Variants in RIMBP2 observed in about 807,000 individuals in gnomAD.
The protein encoded by RIMBP2 is RIMS-binding protein 2.
A neutral mutation model predicts 118.6 loss-of-function variants in RIMBP2; 48 were observed. The ratio of observed to expected loss-of-function variants is 0.40; its 90% CI spans 0.32 to 0.51. RIMBP2 has a LOEUF of 0.51. Among genes scored for constraint, RIMBP2 ranks in the 20% least tolerant of loss-of-function variants. The pLI is 0.41. For missense variants in RIMBP2, 1,551 were observed against 1,768.3 expected (o/e 0.88, Z 2.20); for synonymous variants, 762 against 742.9 (o/e 1.03, Z -0.42).
At chr12:130,685,636 G>A (rs1297987530) in intron 1 of RIMBP2, among the ~76,000 whole-genome samples, 1 of 152,126 alleles carries the variant, frequency 6.6e-6, no homozygotes, top group Non-Finnish European at 1.5e-5. Flanking sequence ...TGGCAATGCT[G>A]GAGTCACTGG....
chr12:130,522,277 A>G (rs2052214176), intron 2 of RIMBP2, among the ~76,000 whole-genome samples: 1 of 152,254 alleles, frequency 6.6e-6, no homozygotes, highest in Non-Finnish European at 1.5e-5. Context: ...AAAAGGGCCA[A>G]GGCAAGCCTT....
chr12:130,436,323 G>A (rs368055894), intron 13 of RIMBP2, among the ~76,000 whole-genome samples: 15 of 152,152 alleles, frequency 9.9e-5, no homozygotes, highest in African/African-American at 2.9e-4. Context: ...GTCCGTATGC[G>A]TTTCTACACA....
chr12:130,499,989 G>A (rs776832181), intron 4 of RIMBP2, among the ~76,000 whole-genome samples: 28 of 152,182 alleles, frequency 1.8e-4, no homozygotes, highest in Non-Finnish European at 2.5e-4. Flanking sequence ...GTGCAAGTTT[G>A]TTATATAGGT....
At chr12:130,546,057 C>G (rs1021446732) in intron 2 of RIMBP2, among the ~76,000 whole-genome samples, 2 of 150,588 alleles carry the variant, frequency 1.3e-5, no homozygotes, top group Admixed American at 6.6e-5. Context: ...GTCCTGTCCC[C>G]CTTTGGGATC....
intron 3 of RIMBP2, among the ~76,000 whole-genome samples, chr12:130,512,564 C>G (rs1219969861): frequency 6.6e-6 from 1 of 152,218 alleles, no homozygotes; most frequent in Admixed American, 6.5e-5. Flanking sequence ...CTCAGGTGAT[C>G]CACCCGCCTT....
intron 19 of RIMBP2, among the ~76,000 whole-genome samples, chr12:130,409,202 C>T (rs746450484): frequency 3.6e-4 from 55 of 152,118 alleles, no homozygotes; most frequent in Non-Finnish European, 6.8e-4. Context: ...AGAAACCCCA[C>T]AACAATCAAG....
chr12:130,619,809 G>T (rs1566381208), intron 2 of RIMBP2, among the ~76,000 whole-genome samples: 1 of 152,190 alleles, frequency 6.6e-6, no homozygotes, highest in Non-Finnish European at 1.5e-5. Flanking sequence ...TCTATCAGCG[G>T]CAAATGCTTC....
rs1950319629 is a variant in RIMBP2, at chr12:130,716,266, G to A, written c.-396C>T. 6.7e-6 allele frequency: 1 copy of A among 148,974 alleles called. No individual in the cohort carries two copies. The highest frequency in any genetic ancestry group is 1.5e-5 in the Non-Finnish European group (1 of 67,150). The allele number at this position is 148,974 out of a possible 1,614,324, so 9.2% of individuals were successfully genotyped here. A position where few individuals can be genotyped will look rare whatever the true frequency, so the allele number is the denominator to read the frequency against. ...CAAGGCTCCGGAGGTTCACCTCGGAGACAACTGCAGTGTACTGTGTCAGAT... is the reference window on the plus strand; with the variant it reads ...CAAGGCTCCGGAGGTTCACCTCGGAAACAACTGCAGTGTACTGTGTCAGAT... On this transcript the variant is annotated 5_prime_UTR_variant, in exon 1 of 23. Transcript: ENST00000690449.
Position 130,660,276 on chromosome 12 carries a change from A to C in RIMBP2, c.-351-31820T>G, listed in dbSNP as rs2063599413. 2 of 53,782 alleles carry C rather than the reference A, an allele frequency of 3.7e-5. 1 individual carries two copies. Among genetic ancestry groups the C allele is most frequent in the Admixed American group, 3.6e-4 (2 of 5,528 alleles). 3.3% of individuals were successfully genotyped at this position (53,782 alleles called of 1,614,324 possible). ...CAGGTGGCTCCTGTGTCTACGAGAC[A>C]GGCAGAGGGCCAGGCTAGTGCTGCA... On this transcript the variant is annotated intron_variant, in intron 1 of 22. Coordinates refer to ENST00000690449, the MANE Select transcript of RIMBP2 (RefSeq NM_001393629.1).
chr12:130,649,375 C>G (rs1474279318), intron 1 of RIMBP2, among the ~76,000 whole-genome samples: 1 of 152,242 alleles, frequency 6.6e-6, no homozygotes, highest in Non-Finnish European at 1.5e-5. Flanking sequence ...GCCGCCCAAC[C>G]CCTGGGGCCT....
chr12:130,566,175 GCACA>G lies in RIMBP2; in HGVS notation c.-216-48262_-216-48259del, dbSNP rs3047801. Among the ~76,000 whole-genome samples, 54 of 148,186 alleles carry G rather than the reference GCACA, an allele frequency of 3.6e-4. 1 individual carries two copies. The highest frequency in any genetic ancestry group is 3.2e-3 in the East Asian group (16 of 5,024). On this transcript the variant is annotated intron_variant, in intron 2 of 22. Coordinates refer to ENST00000690449, the MANE Select transcript of RIMBP2 (RefSeq NM_001393629.1). ...ATTTGTTGCCAATTTATACACACAT[GCACA>G]CACACACACACACACACACACTCAC...
rs916616921 is a variant in RIMBP2 at position 130,641,360 on chromosome 12, G to A, written c.-351-12904C>T. 1.0e-3 allele frequency among the ~76,000 whole-genome samples: 143 copies of A among 142,746 alleles called. 1 individual carries two copies. The highest frequency in any genetic ancestry group is 3.6e-3 in the African/African-American group (132 of 36,816). 93.6% of individuals were successfully genotyped at this position (142,746 alleles called of 152,430 possible). On this transcript the variant is annotated intron_variant, in intron 1 of 22. Coordinates refer to ENST00000690449, the MANE Select transcript of RIMBP2 (RefSeq NM_001393629.1). Reference sequence around the variant, plus strand: ...TTAGGATGGTGACTGCCGGACACTCGGCCCGGCTTCACGGGCTGGATTTAG... The same window carrying A: ...TTAGGATGGTGACTGCCGGACACTCAGCCCGGCTTCACGGGCTGGATTTAG...
chr12:130,472,622 G>A (rs958462938), intron 5 of RIMBP2, among the ~76,000 whole-genome samples: 2 of 152,186 alleles, frequency 1.3e-5, no homozygotes, highest in South Asian at 2.1e-4. Flanking sequence ...AGTGATGGAC[G>A]ATTCAACATC....
chr12:130,633,869 C>T (rs867701606), intron 1 of RIMBP2: 9 of 152,334 alleles, frequency 5.9e-5, no homozygotes, highest in African/African-American at 1.9e-4. Flanking sequence ...CGCCGGCCCC[C>T]CTTCCGGTCC....
At chr12:130,571,258 C>T (rs535849242) in intron 2 of RIMBP2, among the ~76,000 whole-genome samples, 1 of 151,964 alleles carries the variant, frequency 6.6e-6, no homozygotes, top group Admixed American at 6.5e-5. Flanking sequence ...GAGGCCATGA[C>T]AGAAAACAGC....
chr12:130,652,549 A>G (rs1244222479), intron 1 of RIMBP2, among the ~76,000 whole-genome samples: 1 of 151,036 alleles, frequency 6.6e-6, no homozygotes, highest in Non-Finnish European at 1.5e-5. Flanking sequence ...TCTATTATCA[A>G]TTTCTTAAAG....
At position 130,523,605 on chromosome 12, in the gene RIMBP2, G is replaced by A. The variant is rs1447440560; in HGVS notation, c.-216-5688C>T. Reference sequence around the variant, plus strand: ...GGACAAGGTGGCCGCTTCTCTGGGGGAGAAACTGACAAGAGAAAGGAAAAA... The same window carrying A: ...GGACAAGGTGGCCGCTTCTCTGGGGAAGAAACTGACAAGAGAAAGGAAAAA... On this transcript the variant is annotated intron_variant, in intron 2 of 22. Transcript: ENST00000690449. The surrounding 1 kb of genome is among the most constrained non-coding windows in gnomAD (Gnocchi z 4.4). 6.6e-6 allele frequency among the ~76,000 whole-genome samples: 1 copy of A among 152,220 alleles called. No individual in the cohort carries two copies. The highest frequency in any genetic ancestry group is 1.5e-5 in the Non-Finnish European group (1 of 68,042).
chr12:130,438,335 A>ACCGGGGGGGGCCCCCCCCCCCC, intron 12 of RIMBP2, 30 bp downstream of exon 12: 1 of 865,010 alleles, frequency 1.2e-6, no homozygotes, highest in Non-Finnish European at 1.9e-6. Flanking sequence ...GGCCTAACAA[A>ACCGGGGGGGGCCCCCCCCCCCC]CCCTCCCCAC....
In RIMBP2 at chr12:130,442,272, G is replaced by A; in HGVS notation, c.1080C>T (p.Asn360=). 9.9e-6 allele frequency: 16 copies of A among 1,614,128 alleles called. No individual in the cohort carries two copies. The highest frequency in any genetic ancestry group is 1.4e-5 in the Non-Finnish European group (16 of 1,180,034). Residue 360 remains asparagine, a synonymous_variant, in exon 11 of 23, where the codon AAC becomes AAT. Transcript: ENST00000690449. This position sits in a 1 kb window ranked among gnomAD's most constrained non-coding sequence, Gnocchi z 6.9. ...CTTTAGTTCTGCTCCCCAGCGTGAG[G>A]TTCATGCGTGTCTCCTTGTCCACCA... ...NVLVDKETRM[N]LTLGSRTKAL... is the part of the protein sequence containing the mutation.
Sources: gnomAD v4.1 joint callset for allele counts (sites outside exome capture counted in the v4.1 genomes callset) on GRCh38, gnomAD v4.1.1 for gene constraint, Gnocchi (gnomAD v3.1) non-coding constraint, MANE v1.5 for transcripts, NCBI Gene and HGNC (gene_info 2026-07-23, HGNC 2026-07-21) for gene names.